Variants in PIGG observed in about 807,000 individuals in gnomAD.
PIGG encodes GPI ethanolamine phosphate transferase 2, catalytic subunit.
In PIGG, 70 loss-of-function variants were observed where a neutral mutation model predicts 83.2. The ratio of observed to expected loss-of-function variants is 0.84; its 90% CI spans 0.69 to 1.03. The LOEUF is 1.03. Ranked by LOEUF, PIGG falls within the 50% of genes least tolerant of loss-of-function variation. The pLI is 0.00. For missense variants in PIGG, 1,257 were observed against 1,233.6 expected, an observed-to-expected ratio of 1.02 and a Z score of -0.28; for synonymous variants, 532 against 519.5, an observed-to-expected ratio of 1.02 and a Z score of -0.33.
chr4:526,884 C>T, intron 9 of PIGG, 155 bp from the exon 10 acceptor site: 1 of 875,650 alleles, frequency 1.1e-6, no homozygotes, highest in Non-Finnish European at 1.8e-6. Flanking sequence ...ACTTTAAGAA[C>T]CTTTGTTTGA....
intron 12 of PIGG, 68 bp from the exon 13 acceptor site, chr4:539,085 A>G (rs909919532): frequency 1.9e-6 from 2 of 1,032,766 alleles, no homozygotes; most frequent in African/African-American, 3.2e-5. Flanking sequence ...TTTTGAAAAT[A>G]AAAGTGTTGT....
Position 515,587 on chromosome 4 carries a change from G to A in PIGG, c.902-386G>A, listed in dbSNP as rs981519681. Among the ~76,000 whole-genome samples the A allele has an allele frequency of 1.3e-5, 2 of 152,178 alleles. No homozygotes were observed. The highest frequency in any genetic ancestry group is 2.9e-5 in the Non-Finnish European group (2 of 68,028). Reference sequence around the variant, plus strand: ...GGGATGCTCCAAATCCAGAGGGGCCGGGCTGTCAGCGATCCCAGCCTCACT... The same window carrying A: ...GGGATGCTCCAAATCCAGAGGGGCCAGGCTGTCAGCGATCCCAGCCTCACT... On this transcript the variant is annotated intron_variant, in intron 5 of 12. Transcript: ENST00000453061. The surrounding 1 kb of genome is among the most constrained non-coding windows in gnomAD (Gnocchi z 4.2).
At position 530,490 on chromosome 4, in the gene PIGG, G is replaced by A. The variant is rs199894962; in HGVS notation, c.2316G>A (p.Thr772=). Residue 772 remains threonine, a synonymous_variant, in exon 11 of 13, where the codon ACG becomes ACA. Coordinates refer to ENST00000453061, the MANE Select transcript of PIGG (RefSeq NM_001127178.3). The part of the protein sequence containing the change: ...VYVFVLGILF[T]GTKDLLKSQV... ...TCTTTGTCCTTGGCATTCTGTTCAC[G>A]GGCACCAAAGACTTACTTAAATCTC... 24 of 1,613,488 alleles carry A rather than the reference G, an allele frequency of 1.5e-5. No homozygotes were observed. Among genetic ancestry groups the A allele is most frequent in the South Asian group, 8.8e-5 (8 of 91,060 alleles).
chr4:526,124 C>T (rs1560352005), intron 9 of PIGG, among the ~76,000 whole-genome samples: 1 of 152,128 alleles, frequency 6.6e-6, no homozygotes, highest in Non-Finnish European at 1.5e-5. Context: ...TTGAGGCAGC[C>T]CACATTCATA....
At chr4:534,111 C>G (rs553326656) in intron 12 of PIGG, 130 bp downstream of exon 12, 1 of 786,780 alleles carries the variant, frequency 1.3e-6, no homozygotes, top group East Asian at 2.7e-5. Context: ...GTTTTCTTTT[C>G]CTTAAATAGG....
chr4:529,306 TCTTAA>T (rs1349846139), intron 10 of PIGG, among the ~76,000 whole-genome samples: 1 of 152,164 alleles, frequency 6.6e-6, no homozygotes, highest in Non-Finnish European at 1.5e-5. Flanking sequence ...TATAATTCAC[TCTTAA>T]CTTAGCACAC....
At chr4:503,514 G>T (rs1718503124) in intron 2 of PIGG, among the ~76,000 whole-genome samples, 6 of 152,084 alleles carry the variant, frequency 3.9e-5, no homozygotes, top group Admixed American at 3.9e-4. Context: ...TGTCTTTTCT[G>T]CCTGGAGCCT....
chr4:500,401 A>G lies in PIGG; in HGVS notation c.160A>G (p.Ser54Gly), dbSNP rs1717218558. ...TTTTTCTTTCAAACACTTAGGAGCC[A>G]GTTCTAACTGGACCACGCTGCCACC... is the stretch of plus-strand genomic sequence containing the variant. Reference protein sequence around the residue: ...PPAPEPSAGASSNWTTLPPPL... With the variant: ...PPAPEPSAGAGSNWTTLPPPL... The change falls in exon 2 of 13, where the codon AGT becomes GGT. Residue 54 changes from serine to glycine, a missense_variant. Transcript: ENST00000453061. The G allele has an allele frequency of 2.5e-6, 4 of 1,612,468 alleles. No individual in the cohort carries two copies. Among genetic ancestry groups the G allele is most frequent in the South Asian group, 2.2e-5 (2 of 90,972 alleles).
chr4:499,312 C>G lies in PIGG; in HGVS notation c.-24C>G. 6.2e-7 allele frequency: 1 copy of G among 1,601,844 alleles called. No homozygotes were observed. Among genetic ancestry groups the G allele is most frequent in the Non-Finnish European group, 8.5e-7 (1 of 1,178,864 alleles). ...GCGAGGCTCCAGGTGGGGTCGGTTC[C>G]GCATCCAGCCTAGCGTGTCCACGAT... On this transcript the variant is annotated 5_prime_UTR_variant, in exon 1 of 13. Transcript: ENST00000453061.
chr4:508,489 T>C (rs1553881191), intron 4 of PIGG, among the ~76,000 whole-genome samples: 1 of 152,230 alleles, frequency 6.6e-6, no homozygotes, highest in Non-Finnish European at 1.5e-5. Context: ...AGATTCCATT[T>C]GACAGATGAG....
rs550103992 is a variant in PIGG at position 533,814 on chromosome 4, C to G, written c.2572-4C>G. The G allele has an allele frequency of 3.1e-6, 5 of 1,613,968 alleles. No homozygotes were observed. The South Asian group carries it at 5.5e-5, about 18-fold the overall frequency. On this transcript the variant is annotated splice_region_variant and splice_polypyrimidine_tract_variant and intron_variant, in intron 11 of 12. Coordinates refer to ENST00000453061, the MANE Select transcript of PIGG (RefSeq NM_001127178.3). ...CCTTTGTCAGCTCTTCTCCTGTATT[C>G]CAGGGCAACTCCAACAACATTGCCA...
rs539572329 is a variant in PIGG, at chr4:509,083, A to G, written c.901+113A>G. On this transcript the variant is annotated intron_variant, in intron 5 of 12. Coordinates refer to ENST00000453061, the MANE Select transcript of PIGG (RefSeq NM_001127178.3). ...AAGCTCCATAAGGTTGAAGTCCCCA[A>G]GCAATGTGAGCATGAAAAGTAATTG... 19 of 760,562 alleles carry G rather than the reference A, an allele frequency of 2.5e-5. No homozygotes were observed. In the South Asian group the frequency reaches 3.0e-4, roughly 12 times the overall value. 47.1% of individuals were successfully genotyped at this position (760,562 alleles called of 1,614,324 possible).
chr4:530,717 G>T lies in PIGG; in HGVS notation c.2543G>T (p.Trp848Leu). ...GCTGAGATTACTGTGATGCATTATT[G>T]GTTTGGTCAAGCATTCTTCTATTTT... The part of the protein sequence containing the change: ...DAAEITVMHY[W>L]FGQAFFYFQG... The change falls in exon 11 of 13, where the codon TGG becomes TTG. Residue 848 changes from tryptophan to leucine, a missense_variant. Coordinates refer to ENST00000453061, the MANE Select transcript of PIGG (RefSeq NM_001127178.3). 1 of 1,612,042 alleles carries T rather than the reference G, an allele frequency of 6.2e-7. No individual in the cohort carries two copies. Among genetic ancestry groups the T allele is most frequent in the South Asian group, 1.1e-5 (1 of 90,944 alleles).
intron 6 of PIGG, among the ~76,000 whole-genome samples, chr4:519,312 C>T (rs1287148469): frequency 1.3e-5 from 2 of 152,218 alleles, no homozygotes; most frequent in African/African-American, 2.4e-5. Flanking sequence ...GGCACAGCGC[C>T]TGGCACAGTG....
rs11931500 is a variant in PIGG, at chr4:530,920, C to G, written c.2571+175C>G. 98,021 of 588,558 alleles carry G rather than the reference C, an allele frequency of 0.17. 10,593 individuals are homozygous for G. Among genetic ancestry groups the G allele is most frequent in the African/African-American group, 0.42 (22,256 of 53,584 alleles). The allele number at this position is 588,558 out of a possible 1,614,324, so 36.5% of individuals were successfully genotyped here. A position where few individuals can be genotyped will look rare whatever the true frequency, so the allele number is the denominator to read the frequency against. ...AAAGTACAGCCGGTTGTTTAAGACA[C>G]GCGTCCCAGGTGTGGATGTGTGGGT... On this transcript the variant is annotated intron_variant, in intron 11 of 12. Transcript: ENST00000453061.
At position 516,138 on chromosome 4, in the gene PIGG, T is replaced by C. The variant is rs984928189; in HGVS notation, c.1067T>C (p.Val356Ala). 5.6e-6 allele frequency: 9 copies of C among 1,613,970 alleles called. No homozygotes were observed. The highest frequency in any genetic ancestry group is 5.3e-5 in the African/African-American group (4 of 74,930). ...TTGAGATTTTTACATTTGAATACAG[T>C]GCAGCTTAGTAAACTGTTGCAAGAG... ...EQLRFLHLNT[V>A]QLSKLLQENV... Residue 356 changes from valine to alanine, a missense_variant, in exon 6 of 13, where the codon GTG becomes GCG. Transcript: ENST00000453061.
Position 521,800 on chromosome 4 carries a change from C to G in PIGG, c.1473C>G (p.Cys491Trp), listed in dbSNP as rs769733241. The change falls in exon 8 of 13, where the codon TGC becomes TGG. Residue 491 changes from cysteine to tryptophan, a missense_variant. Transcript: ENST00000453061. ...TTTCGGCCGTTCACGTCATTGTGTG[C>G]ACCTCAGCTGAAAGTTCGTGCTACT... is the stretch of plus-strand genomic sequence containing the variant. ...LVLSAVHVIVCTSAESSCYFC... is the reference protein window; with the variant it reads ...LVLSAVHVIVWTSAESSCYFC... The G allele has an allele frequency of 9.3e-6, 15 of 1,614,210 alleles. No homozygotes were observed. In the South Asian group the frequency reaches 1.4e-4, roughly 15 times the overall value.
rs144294537 is a variant in PIGG, at chr4:505,751, G to A, written c.394G>A (p.Asp132Asn). Reference protein sequence around the residue: ...LMTGSLPGFVDVIRNLNSPAL... With the variant: ...LMTGSLPGFVNVIRNLNSPAL... ...GACGGGGAGCCTTCCTGGCTTTGTC[G>A]ACGTCATCAGGAACCTCAATTCTCC... The change falls in exon 3 of 13, where the codon GAC becomes AAC. Residue 132 changes from aspartate (D) to asparagine (N), a missense_variant. Transcript: ENST00000453061. The A allele has an allele frequency of 1.4e-5, 22 of 1,613,128 alleles. No individual in the cohort carries two copies. The highest frequency in any genetic ancestry group is 1.3e-4 in the African/African-American group (10 of 74,594).
At position 518,772 on chromosome 4, in the gene PIGG, C is replaced by T. The variant is rs371671104; in HGVS notation, c.1115-2284C>T. Among the ~76,000 whole-genome samples the T allele has an allele frequency of 7.1e-4, 108 of 152,154 alleles. 4 individuals are homozygous for T. In the East Asian group the frequency reaches 0.018, roughly 26 times the overall value. On this transcript the variant is annotated intron_variant, in intron 6 of 12. Transcript: ENST00000453061. The stretch of plus-strand genomic sequence containing the variant: ...AAAACACAGCCACAGCGTCTGGAAC[C>T]CCCCCTGGCGGCCCATTGTCTACAC...
Sources: allele counts gnomAD v4.1 joint callset (sites outside exome capture counted in the v4.1 genomes callset), GRCh38; gene constraint gnomAD v4.1.1; non-coding constraint Gnocchi (gnomAD v3.1); transcripts MANE v1.5; gene names NCBI Gene and HGNC (gene_info 2026-07-23, HGNC 2026-07-21).